MNAT1: variants seen among roughly 807,000 people sequenced by gnomAD.
MNAT1 encodes the protein CDK-activating kinase assembly factor MAT1.
In MNAT1, 43 loss-of-function variants were observed where a neutral mutation model predicts 42.0. The observed-to-expected ratio is 1.02, with a 90% CI of 0.80 to 1.32. MNAT1 has a LOEUF of 1.32. Among genes scored for constraint, MNAT1 ranks in the 40% most tolerant of loss-of-function variants. The probability of loss-of-function intolerance (pLI) is 0.00; values close to 1 mark genes in which losing one functional copy is unlikely to be tolerated. For synonymous variants in MNAT1, 118 were observed against 120.0 expected (o/e 0.98, Z 0.11); for missense variants, 306 against 350.4 (o/e 0.87, Z 1.01).
chr14:60,812,968 A>G (rs1006213920), intron 5 of MNAT1, among the ~76,000 whole-genome samples: 1 of 152,224 alleles, frequency 6.6e-6, no homozygotes, highest in Admixed American at 6.5e-5. Context: ...AGGCTGTCAC[A>G]CTGGCACTTT....
chr14:60,842,733 TGATGGGGCATGTCTA>T (rs137977433), intron 6 of MNAT1, among the ~76,000 whole-genome samples: 1,741 of 152,338 alleles, frequency 0.011, 20 homozygotes, highest in Non-Finnish European at 0.02. Context: ...TCAATTTATT[TGATGGGGCATGTCTA>T]GATAAACCCA....
At chr14:60,828,569 G>A (rs988494926) in intron 6 of MNAT1, among the ~76,000 whole-genome samples, 2 of 145,376 alleles carry the variant, frequency 1.4e-5, no homozygotes, top group Admixed American at 7.0e-5. Context: ...TTTCTTTTCT[G>A]TACCACACCA....
At chr14:60,842,349 C>T (rs1288207372) in intron 6 of MNAT1, among the ~76,000 whole-genome samples, 1 of 152,040 alleles carries the variant, frequency 6.6e-6, no homozygotes, top group Non-Finnish European at 1.5e-5. Context: ...CCCTGGGATC[C>T]CTGAAGTCTG....
chr14:60,844,965 A>G (rs2033647012), intron 6 of MNAT1, among the ~76,000 whole-genome samples: 1 of 152,056 alleles, frequency 6.6e-6, no homozygotes, highest in South Asian at 2.1e-4. Context: ...GATAAATTCT[A>G]CATGGTTATG....
At chr14:60,914,037 C>CA (rs894931764) in intron 7 of MNAT1, among the ~76,000 whole-genome samples, 1 of 152,180 alleles carries the variant, frequency 6.6e-6, no homozygotes, top group African/African-American at 2.4e-5. Context: ...GGTGCCCCTC[C>CA]CCCAGCCTCG....
At chr14:60,888,511 G>T (rs1280243910) in intron 7 of MNAT1, among the ~76,000 whole-genome samples, 1 of 152,002 alleles carries the variant, frequency 6.6e-6, no homozygotes, top group African/African-American at 2.4e-5. Context: ...GACAAAAAAT[G>T]GAAGCATTCC....
intron 3 of MNAT1, among the ~76,000 whole-genome samples, chr14:60,804,826 T>C (rs1011227047): frequency 2.0e-5 from 3 of 152,210 alleles, no homozygotes; most frequent in African/African-American, 7.2e-5. Flanking sequence ...AGAAATTGCT[T>C]ATATAAAAAC....
intron 3 of MNAT1, among the ~76,000 whole-genome samples, chr14:60,803,820 A>T (rs2139339122): frequency 6.6e-6 from 1 of 152,338 alleles, no homozygotes; most frequent in South Asian, 2.1e-4. Context: ...TATGAATATA[A>T]AAATGAAAAC....
intron 7 of MNAT1, among the ~76,000 whole-genome samples, chr14:60,896,046 C>T (rs956930054): frequency 3.3e-5 from 5 of 152,158 alleles, no homozygotes; most frequent in Admixed American, 6.5e-5. Context: ...AAGAATACTG[C>T]GTTGAGATTT....
intron 7 of MNAT1, among the ~76,000 whole-genome samples, chr14:60,885,015 T>A (rs2034632345): frequency 2.6e-5 from 4 of 152,012 alleles, no homozygotes; most frequent in African/African-American, 4.8e-5. Flanking sequence ...CAGTCTCTTC[T>A]GGCCTATAAG....
chr14:60,912,130 A>G (rs1209534923), intron 7 of MNAT1, among the ~76,000 whole-genome samples: 3 of 152,088 alleles, frequency 2.0e-5, no homozygotes, highest in Non-Finnish European at 4.4e-5. Context: ...TTTATCAGAG[A>G]CTAGGATTGC....
chr14:60,828,862 C>T (rs1311930130), intron 6 of MNAT1, among the ~76,000 whole-genome samples: 2 of 152,070 alleles, frequency 1.3e-5, no homozygotes, highest in African/African-American at 4.8e-5. Flanking sequence ...AAGAATATTA[C>T]AAAGAATACA....
intron 7 of MNAT1, among the ~76,000 whole-genome samples, chr14:60,917,670 T>C (rs1338993839): frequency 6.6e-6 from 1 of 151,778 alleles, no homozygotes; most frequent in Non-Finnish European, 1.5e-5. Flanking sequence ...TTGCCCAGGC[T>C]GGAGTGGAGT....
intron 1 of MNAT1, among the ~76,000 whole-genome samples, chr14:60,767,910 C>T (rs549011925): frequency 6.6e-6 from 1 of 152,174 alleles, no homozygotes; most frequent in Non-Finnish European, 1.5e-5. Context: ...ACTATAGGCA[C>T]ACGCCACCAC....
chr14:60,755,216 T>A (rs965639504), intron 1 of MNAT1, among the ~76,000 whole-genome samples: 1 of 152,088 alleles, frequency 6.6e-6, no homozygotes. Context: ...TGATCTCAGC[T>A]CACTGCAACC....
At chr14:60,819,613 A>G (rs1407115525) in intron 6 of MNAT1, among the ~76,000 whole-genome samples, 1 of 152,142 alleles carries the variant, frequency 6.6e-6, no homozygotes, top group Admixed American at 6.6e-5. Flanking sequence ...TATTGTATGC[A>G]TACAGGTATC....
intron 3 of MNAT1, among the ~76,000 whole-genome samples, chr14:60,802,204 G>T (rs2139336528): frequency 6.6e-6 from 1 of 152,168 alleles, no homozygotes; most frequent in South Asian, 2.1e-4. Context: ...TTATTATTTT[G>T]TTGCCTAAGG....
chr14:60,898,110 T>C (rs1358856633), intron 7 of MNAT1, among the ~76,000 whole-genome samples: 1 of 53,880 alleles, frequency 1.9e-5, no homozygotes, highest in East Asian at 4.2e-4. Context: ...TGTGTGTGTG[T>C]GTGTGTGTGT....
chr14:60,911,250 T>C (rs1159205387), intron 7 of MNAT1, among the ~76,000 whole-genome samples: 6 of 152,190 alleles, frequency 3.9e-5, no homozygotes, highest in Non-Finnish European at 5.9e-5. Flanking sequence ...AGTCTATCAA[T>C]TTTGTTGATC....
Sources: allele counts gnomAD v4.1 joint callset (sites outside exome capture counted in the v4.1 genomes callset), GRCh38; gene constraint gnomAD v4.1.1; transcripts MANE v1.5; gene names NCBI Gene and HGNC (gene_info 2026-07-23, HGNC 2026-07-21).